ULK4: variants seen among roughly 807,000 people sequenced by gnomAD.
The protein encoded by ULK4 is inactive serine/threonine-protein kinase ULK4.
Under a neutral mutation model 160.6 loss-of-function variants are expected in ULK4, and 133 were observed. The observed-to-expected ratio is 0.83, with a 90% confidence interval of 0.72 to 0.96. The LOEUF (loss-of-function observed/expected upper bound fraction) is 0.96. Among genes scored for constraint, ULK4 ranks in the 40% least tolerant of loss-of-function variants. ULK4 has a pLI of 0.00. For synonymous variants in ULK4, 534 were observed against 539.8 expected (o/e 0.99, Z 0.15); for missense variants, 1,580 against 1,499.5 (o/e 1.05, Z -0.89).
intron 31 of ULK4, among the ~76,000 whole-genome samples, chr3:41,615,171 A>G (rs2032901730): frequency 6.6e-6 from 1 of 152,184 alleles, no homozygotes. Context: ...ATGGTTTTAA[A>G]TTAAATTGTA....
chr3:41,730,118 T>C (rs1470544387), intron 22 of ULK4, among the ~76,000 whole-genome samples: 3 of 152,068 alleles, frequency 2.0e-5, no homozygotes, highest in Admixed American at 6.6e-5. Flanking sequence ...AAACACAATA[T>C]ACTAAAAGCT....
In ULK4 at chr3:41,712,754, T is replaced by C. The variant is rs139650373; in HGVS notation, c.2634+2483A>G. Among the ~76,000 whole-genome samples, 25 of 152,196 alleles carry C rather than the reference T, an allele frequency of 1.6e-4. No individual in the cohort carries two copies. The East Asian group carries it at 4.8e-3, about 29-fold the overall frequency. ...AAAATTTTTAAAAATTAGCCAGGCA[T>C]GGTGGCACACACCTATAGTTCCAGC... is the stretch of plus-strand genomic sequence containing the variant. On this transcript the variant is annotated intron_variant, in intron 25 of 36. Transcript: ENST00000301831.
chr3:41,648,664 C>G (rs2034609766), intron 30 of ULK4, among the ~76,000 whole-genome samples: 1 of 152,118 alleles, frequency 6.6e-6, no homozygotes, highest in African/African-American at 2.4e-5. Flanking sequence ...CTTAACTTTC[C>G]AGCTCAATTA....
intron 31 of ULK4, among the ~76,000 whole-genome samples, chr3:41,603,183 T>A (rs934250408): frequency 1.3e-5 from 2 of 151,830 alleles, no homozygotes; most frequent in African/African-American, 4.8e-5. Context: ...TATACTGATA[T>A]CAGAAAAAAT....
At chr3:41,301,432 G>A (rs1426815950) in intron 35 of ULK4, among the ~76,000 whole-genome samples, 1 of 152,134 alleles carries the variant, frequency 6.6e-6, no homozygotes, top group Non-Finnish European at 1.5e-5. Flanking sequence ...ACCAGGAACT[G>A]ATATAACACG....
At chr3:41,680,701 G>C (rs2035895694) in intron 29 of ULK4, among the ~76,000 whole-genome samples, 1 of 152,052 alleles carries the variant, frequency 6.6e-6, no homozygotes, top group South Asian at 2.1e-4. Context: ...ACAATAGAGG[G>C]AAGCATTAAC....
intron 29 of ULK4, among the ~76,000 whole-genome samples, chr3:41,675,670 A>C (rs540587678): frequency 6.6e-6 from 1 of 152,316 alleles, no homozygotes; most frequent in Non-Finnish European, 1.5e-5. Flanking sequence ...GTGATGGTAT[A>C]CCCATAAGGG....
intron 21 of ULK4, among the ~76,000 whole-genome samples, chr3:41,757,078 A>AT (rs1035935922): frequency 2.0e-5 from 3 of 152,044 alleles, no homozygotes; most frequent in African/African-American, 4.8e-5. Flanking sequence ...TTTGCAGCAC[A>AT]TTTTTTTAAT....
At chr3:41,595,180 C>T (rs888392493) in intron 31 of ULK4, among the ~76,000 whole-genome samples, 4 of 152,172 alleles carry the variant, frequency 2.6e-5, no homozygotes, top group African/African-American at 9.7e-5. Flanking sequence ...AAACAAGGGG[C>T]TCTACAGATG....
intron 22 of ULK4, among the ~76,000 whole-genome samples, chr3:41,721,038 T>C (rs2037435992): frequency 6.6e-6 from 1 of 151,990 alleles, no homozygotes; most frequent in South Asian, 2.1e-4. Flanking sequence ...AGCAGCCCTT[T>C]ATACACTACA....
chr3:41,658,921 C>G (rs144908814), intron 30 of ULK4, among the ~76,000 whole-genome samples: 311 of 151,872 alleles, frequency 2.0e-3, no homozygotes, highest in Non-Finnish European at 2.6e-3. Context: ...CCCAATCAAA[C>G]AGAATTTTTA....
At chr3:41,935,188 TGTGTTTTTATTTATTTATTTA>T in intron 4 of ULK4, among the ~76,000 whole-genome samples, 1 of 138,714 alleles carries the variant, frequency 7.2e-6, no homozygotes, top group African/African-American at 2.7e-5. Context: ...AGCTATTTTT[TGTGTTTTTATTTATTTATTTA>T]TTTTTTTTTT....
At chr3:41,270,035 TAC>T (rs58972971) in intron 35 of ULK4, among the ~76,000 whole-genome samples, 13,712 of 151,670 alleles carry the variant, frequency 0.09, 1,625 homozygotes, top group African/African-American at 0.26. Context: ...TTAGGATACA[TAC>T]ACACACACAC....
chr3:41,746,272 C>CCA (rs2038416207), intron 22 of ULK4, among the ~76,000 whole-genome samples: 1 of 45,728 alleles, frequency 2.2e-5, no homozygotes, highest in African/African-American at 1.1e-4. Context: ...CTGGAACCCA[C>CCA]AAAAAAAAAA....
intron 14 of ULK4, among the ~76,000 whole-genome samples, chr3:41,898,045 TG>T (rs1053735501): frequency 3.9e-4 from 59 of 152,274 alleles, no homozygotes; most frequent in African/African-American, 1.4e-3. Context: ...TCAAATGTCC[TG>T]GTCCCTCTAA....
chr3:41,463,047 G>A, intron 33 of ULK4, 40 bp downstream of exon 33: 2 of 1,599,430 alleles, frequency 1.3e-6, no homozygotes, highest in Non-Finnish European at 1.7e-6. Flanking sequence ...GCATGAAATG[G>A]AGTAGGGCTG....
chr3:41,814,815 C>T (rs1321054096), intron 19 of ULK4, among the ~76,000 whole-genome samples: 7 of 151,798 alleles, frequency 4.6e-5, no homozygotes, highest in Non-Finnish European at 1.0e-4. Flanking sequence ...GGATTAGGTA[C>T]ATATGACGTG....
intron 21 of ULK4, among the ~76,000 whole-genome samples, chr3:41,771,483 T>C (rs954183892): frequency 1.3e-5 from 2 of 151,464 alleles, no homozygotes; most frequent in Non-Finnish European, 2.9e-5. Flanking sequence ...TCATTACTAA[T>C]ATTATTAGTA....
intron 22 of ULK4, among the ~76,000 whole-genome samples, chr3:41,750,096 A>T (rs2038563762): frequency 6.6e-6 from 1 of 152,260 alleles, no homozygotes; most frequent in South Asian, 2.1e-4. Context: ...ACCAGCCAAC[A>T]CCTTGACATC....
Sources: allele counts gnomAD v4.1 joint callset (sites outside exome capture counted in the v4.1 genomes callset), GRCh38; gene constraint gnomAD v4.1.1; transcripts MANE v1.5; gene names NCBI Gene and HGNC (gene_info 2026-07-23, HGNC 2026-07-21).